Variants in DLG2 observed in about 807,000 individuals in gnomAD.
DLG2 encodes the protein disks large homolog 2.
Under a neutral mutation model 132.5 loss-of-function variants are expected in DLG2, and 45 were observed. The observed-to-expected ratio is 0.34, with a 90% CI of 0.27 to 0.44. The LOEUF (loss-of-function observed/expected upper bound fraction) is 0.44, where lower values mean the gene tolerates loss of function less well. Ranked by LOEUF, DLG2 falls within the 20% of genes least tolerant of loss-of-function variation. DLG2 has a pLI of 1.00. For synonymous variants in DLG2, 424 were observed against 419.6 expected, an observed-to-expected ratio of 1.01 and a Z score of -0.13; for missense variants, 1,045 against 1,196.9, an observed-to-expected ratio of 0.87 and a Z score of 1.87.
chr11:85,101,513 T>C (rs1236746579), intron 6 of DLG2, among the ~76,000 whole-genome samples: 6 of 152,102 alleles, frequency 3.9e-5, no homozygotes, highest in African/African-American at 1.2e-4. Context: ...AAATATTGAG[T>C]ACAGCCCAAA....
rs561785899 is a variant in DLG2 at position 84,846,386 on chromosome 11, A to G, written c.357+265275T>C. ...CTGTTACATACGCCTGTAAACTAAG[A>G]ATCACTCCTAGTCTTCCCTATTACT... On this transcript the variant is annotated intron_variant, in intron 6 of 27. Transcript: ENST00000376104. Among the ~76,000 whole-genome samples, 3 of 152,296 alleles carry G rather than the reference A, an allele frequency of 2.0e-5. No homozygotes were observed. The South Asian group carries it at 6.2e-4, about 32-fold the overall frequency.
chr11:85,213,326 G>A (rs1442160703), intron 4 of DLG2, among the ~76,000 whole-genome samples: 2 of 151,608 alleles, frequency 1.3e-5, no homozygotes, highest in African/African-American at 4.9e-5. Flanking sequence ...ATTTTAGGGA[G>A]ACATAAGGCA....
intron 11 of DLG2, among the ~76,000 whole-genome samples, chr11:83,994,436 G>A (rs113718640): frequency 6.6e-6 from 1 of 152,084 alleles, no homozygotes; most frequent in African/African-American, 2.4e-5. Flanking sequence ...TCTATGCTAT[G>A]TTGTCCAGGC....
chr11:84,132,769 T>C (rs999588496), intron 9 of DLG2, among the ~76,000 whole-genome samples: 10 of 151,956 alleles, frequency 6.6e-5, no homozygotes, highest in Admixed American at 4.6e-4. Context: ...CTAATTTGAA[T>C]TGGAAGGTCT....
At chr11:84,541,169 A>T (rs969323129) in intron 6 of DLG2, among the ~76,000 whole-genome samples, 9 of 149,804 alleles carry the variant, frequency 6.0e-5, no homozygotes, top group African/African-American at 2.2e-4. Flanking sequence ...GTGCACATGT[A>T]CCCTAGAACT....
At chr11:84,288,389 G>A (rs1404882872) in intron 7 of DLG2, among the ~76,000 whole-genome samples, 1 of 151,996 alleles carries the variant, frequency 6.6e-6, no homozygotes, top group African/African-American at 2.4e-5. Flanking sequence ...AGGCCTCCAA[G>A]ATGAGGGTGA....
intron 7 of DLG2, among the ~76,000 whole-genome samples, chr11:84,255,512 T>C (rs1184081138): frequency 1.3e-5 from 2 of 152,036 alleles, no homozygotes; most frequent in Admixed American, 6.6e-5. Context: ...TTAGTAGAGA[T>C]GCAGTTTTGC....
At chr11:85,593,789 A>C (rs1312295200) in intron 3 of DLG2, among the ~76,000 whole-genome samples, 1 of 152,190 alleles carries the variant, frequency 6.6e-6, no homozygotes, top group Non-Finnish European at 1.5e-5. Context: ...TACTATTAGG[A>C]AAATATGTAG....
rs2088980346 is a variant in DLG2, at chr11:83,456,366, T to C, written c.*3452A>G. On this transcript the variant is annotated 3_prime_UTR_variant, in exon 28 of 28. Transcript: ENST00000376104. Reference sequence around the variant, plus strand: ...GCTCAGCTTTACTTTCTGGGCTGAGTAGGTGAAACGGCGACCTAAAGTATT... The same window carrying C: ...GCTCAGCTTTACTTTCTGGGCTGAGCAGGTGAAACGGCGACCTAAAGTATT... The C allele has an allele frequency of 6.6e-6, 1 of 152,532 alleles. No homozygotes were observed. The highest frequency in any genetic ancestry group is 2.1e-4 in the South Asian group (1 of 4,816). 9.4% of individuals were successfully genotyped at this position (152,532 alleles called of 1,614,324 possible). A position where few individuals can be genotyped will look rare whatever the true frequency, so the allele number is the denominator to read the frequency against.
chr11:84,839,703 G>C (rs1487022427), intron 6 of DLG2, among the ~76,000 whole-genome samples: 1 of 151,642 alleles, frequency 6.6e-6, no homozygotes, highest in Non-Finnish European at 1.5e-5. Context: ...ATCTACATCT[G>C]ATCTTTGACA....
At chr11:84,326,398 G>A (rs982639767) in intron 7 of DLG2, among the ~76,000 whole-genome samples, 12 of 151,862 alleles carry the variant, frequency 7.9e-5, no homozygotes, top group Non-Finnish European at 1.6e-4. Flanking sequence ...TGTTTTTATG[G>A]TATCCCATAA....
intron 4 of DLG2, among the ~76,000 whole-genome samples, chr11:85,282,825 T>C (rs2078316855): frequency 6.6e-6 from 1 of 151,992 alleles, no homozygotes; most frequent in Non-Finnish European, 1.5e-5. Context: ...AGCAAAGACA[T>C]GGAATTAACC....
chr11:84,106,982 GTGTGTGT>G (rs1566528576), intron 9 of DLG2, among the ~76,000 whole-genome samples: 1,352 of 57,740 alleles, frequency 0.023, 31 homozygotes, highest in African/African-American at 0.055. Flanking sequence ...GCCTTAGGGT[GTGTGTGT>G]GTGTGTGTGT....
chr11:85,303,074 T>C (rs976598096), intron 3 of DLG2, among the ~76,000 whole-genome samples: 1 of 152,170 alleles, frequency 6.6e-6, no homozygotes, highest in African/African-American at 2.4e-5. Context: ...TTAACCACTA[T>C]CCTAAGTTAG....
chr11:85,432,123 A>C (rs1425408938), intron 3 of DLG2, among the ~76,000 whole-genome samples: 1 of 152,214 alleles, frequency 6.6e-6, no homozygotes, highest in Non-Finnish European at 1.5e-5. Context: ...AGAAAGCAAC[A>C]ACAATAGCAT....
At chr11:85,163,158 CT>C (rs1358450391) in intron 4 of DLG2, among the ~76,000 whole-genome samples, 1 of 151,752 alleles carries the variant, frequency 6.6e-6, no homozygotes. Flanking sequence ...ATTGTGGGAC[CT>C]TGTGATTGTG....
At position 84,121,035 on chromosome 11, in the gene DLG2, A is replaced by G. The variant is rs183951175; in HGVS notation, c.625-21988T>C. Among the ~76,000 whole-genome samples, 344 of 152,296 alleles carry G rather than the reference A, an allele frequency of 2.3e-3. 2 individuals are homozygous for G. The highest frequency in any genetic ancestry group is 7.7e-3 in the African/African-American group (320 of 41,562). On this transcript the variant is annotated intron_variant, in intron 9 of 27. Coordinates refer to ENST00000376104, the MANE Select transcript of DLG2 (RefSeq NM_001142699.3). ...ATTCATTCAATTCATTAATTTATTCATTCATTTATTCACTCATTTATGTAT... is the reference window on the plus strand; with the variant it reads ...ATTCATTCAATTCATTAATTTATTCGTTCATTTATTCACTCATTTATGTAT...
intron 6 of DLG2, among the ~76,000 whole-genome samples, chr11:84,605,940 T>G (rs1003803928): frequency 1.3e-5 from 2 of 152,074 alleles, no homozygotes; most frequent in African/African-American, 4.8e-5. Context: ...CAGGAAACCA[T>G]TCCTATTATT....
intron 3 of DLG2, among the ~76,000 whole-genome samples, chr11:85,506,473 A>G (rs187992639): frequency 6.6e-6 from 1 of 152,282 alleles, no homozygotes; most frequent in African/African-American, 2.4e-5. Context: ...TTCATTATGT[A>G]CCCAGTAATC....
Sources: allele counts gnomAD v4.1 joint callset (sites outside exome capture counted in the v4.1 genomes callset), GRCh38; gene constraint gnomAD v4.1.1; transcripts MANE v1.5; gene names NCBI Gene and HGNC (gene_info 2026-07-23, HGNC 2026-07-21).